The following ACTR3C variants were observed in gnomAD, a reference collection of about 807,000 sequenced individuals.
ACTR3C encodes the protein actin-related protein 3C.
Under a neutral mutation model 26.3 loss-of-function variants are expected in ACTR3C, and 18 were observed. The ratio of observed to expected loss-of-function variants is 0.68; its 90% CI spans 0.47 to 1.01. The LOEUF (loss-of-function observed/expected upper bound fraction) is 1.01. ACTR3C is among the 50% of genes least tolerant of loss of function. The pLI is 0.00. For synonymous variants in ACTR3C, 55 were observed against 94.5 expected (o/e 0.58, Z 2.42); for missense variants, 184 against 250.7 (o/e 0.73, Z 1.80).
chr7:150,154,592 A>C, the ACTR3C span, among the ~76,000 whole-genome samples: 1 of 152,148 alleles, frequency 6.6e-6, no homozygotes, highest in Non-Finnish European at 1.5e-5. Flanking sequence ...CTGTTGAATC[A>C]GGCTTTTTGG....
chr7:150,154,852 A>G, the ACTR3C span, among the ~76,000 whole-genome samples: 1 of 152,304 alleles, frequency 6.6e-6, no homozygotes, highest in South Asian at 2.1e-4. Flanking sequence ...TCAAGGTTGT[A>G]GTGAATTGCC....
the ACTR3C span, among the ~76,000 whole-genome samples, chr7:150,225,287 C>G: frequency 6.6e-6 from 1 of 152,052 alleles, no homozygotes. Flanking sequence ...CATACTAATC[C>G]AGGTCATACA....
the ACTR3C span, among the ~76,000 whole-genome samples, chr7:150,034,502 G>C: frequency 6.6e-6 from 1 of 151,382 alleles, no homozygotes; most frequent in South Asian, 2.1e-4. Context: ...CTCATACAAA[G>C]GCTTGGCTAA....
At chr7:150,288,510 A>C (rs2129612677) in intron 4 of ACTR3C, among the ~76,000 whole-genome samples, 1 of 141,086 alleles carries the variant, frequency 7.1e-6, no homozygotes, top group East Asian at 2.1e-4. Context: ...AGCCTCCCAA[A>C]GCCCTAGGAT....
At chr7:149,896,481 C>A in the ACTR3C span, among the ~76,000 whole-genome samples, 2 of 152,144 alleles carry the variant, frequency 1.3e-5, no homozygotes, top group Non-Finnish European at 2.9e-5. Flanking sequence ...ACTCAATAAA[C>A]AATATTATCT....
the ACTR3C span, among the ~76,000 whole-genome samples, chr7:150,110,915 A>C: frequency 6.7e-6 from 1 of 148,186 alleles, no homozygotes; most frequent in Non-Finnish European, 1.5e-5. Context: ...AGGTGGCAGG[A>C]CTGTCAGGTC....
At chr7:150,035,144 A>G in the ACTR3C span, among the ~76,000 whole-genome samples, 88 of 129,870 alleles carry the variant, frequency 6.8e-4, 4 homozygotes, top group East Asian at 0.016. Flanking sequence ...CTTAGGATCA[A>G]CGATGGGGGT....
chr7:149,883,336 C>A, the ACTR3C span, among the ~76,000 whole-genome samples: 308 of 152,224 alleles, frequency 2.0e-3, 4 homozygotes, highest in African/African-American at 7.2e-3. Context: ...CCACCCGTGC[C>A]CCCAACACCA....
chr7:150,170,515 T>G, the ACTR3C span, among the ~76,000 whole-genome samples: 1 of 150,562 alleles, frequency 6.6e-6, no homozygotes, highest in Non-Finnish European at 1.5e-5. Context: ...ATTATGTAGG[T>G]ATGATTGATT....
At chr7:150,203,375 G>A in the ACTR3C span, among the ~76,000 whole-genome samples, 1 of 152,290 alleles carries the variant, frequency 6.6e-6, no homozygotes, top group South Asian at 2.1e-4. Context: ...TTGGTGAGGC[G>A]ACTTGTGTTT....
the ACTR3C span, among the ~76,000 whole-genome samples, chr7:150,127,649 C>T: frequency 3.3e-5 from 5 of 152,184 alleles, no homozygotes; most frequent in African/African-American, 1.2e-4. Flanking sequence ...AGCAGAAAAA[C>T]ATATCCGTTT....
the ACTR3C span, among the ~76,000 whole-genome samples, chr7:150,098,822 T>C: frequency 3.3e-5 from 5 of 151,708 alleles, no homozygotes; most frequent in African/African-American, 1.2e-4. Flanking sequence ...ATCGTCAGTA[T>C]CTGCTTTCAC....
the ACTR3C span, among the ~76,000 whole-genome samples, chr7:150,081,428 A>G: frequency 6.6e-6 from 1 of 151,692 alleles, no homozygotes; most frequent in Non-Finnish European, 1.5e-5. Flanking sequence ...TCTTATAAAC[A>G]TTTCATTATT....
the ACTR3C span, among the ~76,000 whole-genome samples, chr7:149,974,155 C>T: frequency 1.7e-5 from 2 of 117,028 alleles, no homozygotes; most frequent in Admixed American, 1.8e-4. Flanking sequence ...CAGCGACATA[C>T]AAGAGGGCTA....
chr7:149,966,908 C>A, the ACTR3C span, among the ~76,000 whole-genome samples: 1 of 151,698 alleles, frequency 6.6e-6, no homozygotes, highest in African/African-American at 2.4e-5. Flanking sequence ...GTCACCCCGA[C>A]TGGAGTGCAA....
At chr7:149,899,602 T>TAAAAAAA in the ACTR3C span, among the ~76,000 whole-genome samples, 10,478 of 113,570 alleles carry the variant, frequency 0.092, 50 homozygotes, top group East Asian at 0.23. Flanking sequence ...CTGGAAGAAG[T>TAAAAAAA]AAAAAAAAAA....
the ACTR3C span, among the ~76,000 whole-genome samples, chr7:150,104,040 A>G: frequency 6.6e-6 from 1 of 151,852 alleles, no homozygotes; most frequent in Non-Finnish European, 1.5e-5. Context: ...AAGGTAAATG[A>G]GTTTGAAGGG....
intron 3 of ACTR3C, among the ~76,000 whole-genome samples, chr7:150,291,130 G>A (rs958889222): frequency 6.6e-6 from 1 of 152,132 alleles, no homozygotes; most frequent in African/African-American, 2.4e-5. Context: ...GCACACACGT[G>A]TCTTAGAAAA....
At chr7:150,050,934 A>G in the ACTR3C span, among the ~76,000 whole-genome samples, 2 of 150,008 alleles carry the variant, frequency 1.3e-5, no homozygotes, top group Non-Finnish European at 3.0e-5. Flanking sequence ...GTGAAACCCC[A>G]TCTCCACTAA....
Sources: allele counts gnomAD v4.1 joint callset (sites outside exome capture counted in the v4.1 genomes callset), GRCh38; gene constraint gnomAD v4.1.1; transcripts MANE v1.5; gene names NCBI Gene and HGNC (gene_info 2026-07-23, HGNC 2026-07-21).